The following AQR variants were observed in gnomAD, a reference collection of about 807,000 sequenced individuals.
AQR encodes aquarius intron-binding spliceosomal factor.
AQR carries 61 observed loss-of-function variants against 180.5 expected under a neutral mutation model. That is an observed-to-expected ratio of 0.34 (90% CI 0.28 to 0.42). The LOEUF is 0.42. Ranked by LOEUF, AQR falls within the 10% of genes least tolerant of loss-of-function variation. The probability of loss-of-function intolerance (pLI) is 1.00; values close to 1 mark genes in which losing one functional copy is unlikely to be tolerated. For missense variants in AQR, 1,281 were observed against 1,798.3 expected (o/e 0.71, Z 5.20); for synonymous variants, 551 against 588.8 (o/e 0.94, Z 0.93).
chr15:34,957,131 C>T (rs1168150710), intron 3 of AQR, among the ~76,000 whole-genome samples: 1 of 150,014 alleles, frequency 6.7e-6, no homozygotes, highest in Non-Finnish European at 1.5e-5. Flanking sequence ...TTCCTCAGGA[C>T]CTAGCCTAAA....
At chr15:34,881,995 G>A (rs141539388) in intron 27 of AQR, among the ~76,000 whole-genome samples, 11,867 of 151,900 alleles carry the variant, frequency 0.078, 528 homozygotes, top group Middle Eastern at 0.12. Flanking sequence ...TAATAGAGAC[G>A]GGGTTTCACC....
At chr15:34,907,958 T>G (rs1247900568) in intron 17 of AQR, among the ~76,000 whole-genome samples, 1 of 152,176 alleles carries the variant, frequency 6.6e-6, no homozygotes, top group East Asian at 1.9e-4. Context: ...TATGTCTCTC[T>G]CCTTGCAACC....
intron 3 of AQR, among the ~76,000 whole-genome samples, chr15:34,958,059 T>C (rs1894351258): frequency 6.6e-6 from 1 of 150,530 alleles, no homozygotes; most frequent in African/African-American, 2.5e-5. Flanking sequence ...ATACAAAAAA[T>C]TAGCCGGGCG....
chr15:34,964,216 G>C lies in AQR; in HGVS notation c.132+18C>G, dbSNP rs754939463. ...AGTGTAACTTCTCAAGAATTATGTT[G>C]AAACCAAAAATACTTACCTTTATAT... On this transcript the variant is annotated intron_variant, in intron 2 of 34. Coordinates refer to ENST00000156471, the MANE Select transcript of AQR (RefSeq NM_014691.3). The C allele has an allele frequency of 6.4e-7, 1 of 1,572,550 alleles. No individual in the cohort carries two copies. Among genetic ancestry groups the C allele is most frequent in the East Asian group, 2.2e-5 (1 of 44,652 alleles).
intron 16 of AQR, among the ~76,000 whole-genome samples, chr15:34,911,162 C>T (rs2140481316): frequency 6.6e-6 from 1 of 152,294 alleles, no homozygotes; most frequent in Admixed American, 6.5e-5. Context: ...TATATGTACA[C>T]ACACACCACA....
intron 18 of AQR, 100 bp downstream of exon 18, chr15:34,906,445 A>G: frequency 2.1e-6 from 3 of 1,420,218 alleles, no homozygotes; most frequent in Non-Finnish European, 2.9e-6. Context: ...TTTAGTAGGT[A>G]AAAGAACTAA....
At position 34,941,089 on chromosome 15, in the gene AQR, A is replaced by G. The variant is rs911171104; in HGVS notation, c.541-90T>C. The G allele has an allele frequency of 1.5e-5, 13 of 850,282 alleles. No individual in the cohort carries two copies. In the East Asian group the frequency reaches 2.3e-4, roughly 15 times the overall value. The allele number at this position is 850,282 out of a possible 1,614,324, so 52.7% of individuals were successfully genotyped here. A position where few individuals can be genotyped will look rare whatever the true frequency, so the allele number is the denominator to read the frequency against. Reference sequence around the variant, plus strand: ...CAACTATTTGCTAGTTTTCTAATATATGAGTACAAAATAGAGCAATCTGAT... The same window carrying G: ...CAACTATTTGCTAGTTTTCTAATATGTGAGTACAAAATAGAGCAATCTGAT... On this transcript the variant is annotated intron_variant, in intron 7 of 34. Transcript: ENST00000156471.
intron 3 of AQR, among the ~76,000 whole-genome samples, chr15:34,957,469 G>A (rs1894336935): frequency 6.6e-6 from 1 of 151,950 alleles, no homozygotes; most frequent in Non-Finnish European, 1.5e-5. Flanking sequence ...CACTTTGGGA[G>A]GCCGAGGCAA....
chr15:34,864,451 C>T (rs185082536), intron 32 of AQR, among the ~76,000 whole-genome samples: 1 of 152,244 alleles, frequency 6.6e-6, no homozygotes, highest in Non-Finnish European at 1.5e-5. Context: ...AAGTTACTGT[C>T]AGCCAAATTA....
intron 9 of AQR, among the ~76,000 whole-genome samples, chr15:34,937,300 C>T (rs1267589560): frequency 1.3e-5 from 2 of 152,156 alleles, no homozygotes; most frequent in African/African-American, 4.8e-5. Flanking sequence ...GCTGGGATTA[C>T]AGGCATGAGC....
rs189713858 is a variant in AQR, at chr15:34,886,918, A to T, written c.2682-257T>A. The stretch of plus-strand genomic sequence containing the variant: ...GGCGGACAGATCATGAGGTTAGGAG[A>T]TCGAGACCATCATGGCTAACATGGT... On this transcript the variant is annotated intron_variant, in intron 24 of 34. Coordinates refer to ENST00000156471, the MANE Select transcript of AQR (RefSeq NM_014691.3). Among the ~76,000 whole-genome samples the T allele has an allele frequency of 5.6e-3, 856 of 152,062 alleles. 2 individuals are homozygous for T. The highest frequency in any genetic ancestry group is 0.01 in the Middle Eastern group (3 of 294).
Position 34,882,598 on chromosome 15 carries a change from T to A in AQR, c.3069A>T (p.Arg1023Ser), listed in dbSNP as rs761158463. The A allele has an allele frequency of 1.9e-6, 3 of 1,613,074 alleles. No homozygotes were observed. The highest frequency in any genetic ancestry group is 2.5e-6 in the Non-Finnish European group (3 of 1,179,512). The change falls in exon 27 of 35, where the codon AGA becomes AGT. Residue 1023 changes from arginine to serine, a missense_variant. Arg to Ser is a moderately radical substitution (Grantham distance 110). Coordinates refer to ENST00000156471, the MANE Select transcript of AQR (RefSeq NM_014691.3). Reference sequence around the variant, plus strand: ...CTTCTTTCACTAAAAGGTATTTAGATCTGTCCAGTCCACTTCGAAGCAATT... The same window carrying A: ...CTTCTTTCACTAAAAGGTATTTAGAACTGTCCAGTCCACTTCGAAGCAATT... ...ASELLRSGLD[R>S]SKYLLVKEAK... is the part of the protein sequence containing the mutation.
Position 34,948,169 on chromosome 15 carries a change from T to G in AQR, c.330+95A>C, listed in dbSNP as rs925282927. On this transcript the variant is annotated intron_variant, in intron 5 of 34. Transcript: ENST00000156471. The stretch of plus-strand genomic sequence containing the variant: ...TTTGCTTTATTACTGGGTAAAGTTC[T>G]GCTCTAAAAGCACCACTATCAGTAA... 17 of 1,376,600 alleles carry G rather than the reference T, an allele frequency of 1.2e-5. 1 individual carries two copies. The highest frequency in any genetic ancestry group is 4.8e-5 in the Admixed American group (2 of 41,304). 85.3% of individuals were successfully genotyped at this position (1,376,600 alleles called of 1,614,324 possible). A position where few individuals can be genotyped will look rare whatever the true frequency, so the allele number is the denominator to read the frequency against.
intron 20 of AQR, 73 bp from the exon 21 acceptor site, chr15:34,897,778 T>C (rs935145881): frequency 7.4e-6 from 11 of 1,487,288 alleles, no homozygotes; most frequent in South Asian, 7.1e-5. Flanking sequence ...GTGCATGACA[T>C]TGTATGCACG....
At chr15:34,916,156 T>C (rs1260321099) in intron 15 of AQR, among the ~76,000 whole-genome samples, 1 of 152,242 alleles carries the variant, frequency 6.6e-6, no homozygotes. Flanking sequence ...TTACCATAAA[T>C]TTAGCCCATG....
chr15:34,911,407 C>T (rs1893496308), intron 16 of AQR, among the ~76,000 whole-genome samples: 1 of 152,150 alleles, frequency 6.6e-6, no homozygotes, highest in Non-Finnish European at 1.5e-5. Flanking sequence ...ACATTCCCAC[C>T]AATAGTGTAT....
intron 8 of AQR, among the ~76,000 whole-genome samples, chr15:34,940,047 G>A (rs1387620502): frequency 2.0e-5 from 3 of 152,212 alleles, no homozygotes; most frequent in Non-Finnish European, 4.4e-5. Flanking sequence ...TGTTCTAGGA[G>A]TTCAGATGAA....
rs187857084 is a variant in AQR at position 34,856,656 on chromosome 15, G to A, written c.*136C>T. 1.4e-4 allele frequency: 96 copies of A among 678,100 alleles called. No individual in the cohort carries two copies. In the Admixed American group the frequency reaches 1.7e-3, roughly 12 times the overall value. The allele number at this position is 678,100 out of a possible 1,614,324, so 42.0% of individuals were successfully genotyped here. A position where few individuals can be genotyped will look rare whatever the true frequency, so the allele number is the denominator to read the frequency against. On this transcript the variant is annotated 3_prime_UTR_variant, in exon 35 of 35. Transcript: ENST00000156471. Reference sequence around the variant, plus strand: ...TTTAAAAAAATATATTCAAGACACCGAAATCAGTTAACAAATATAAGAACT... The same window carrying A: ...TTTAAAAAAATATATTCAAGACACCAAAATCAGTTAACAAATATAAGAACT...
chr15:34,948,110 C>A, intron 5 of AQR, 154 bp downstream of exon 5: 4 of 768,580 alleles, frequency 5.2e-6, no homozygotes, highest in African/African-American at 1.8e-5. Context: ...CAAAAGAAAA[C>A]ATATCTTTCA....
Sources: allele counts gnomAD v4.1 joint callset (sites outside exome capture counted in the v4.1 genomes callset), GRCh38; gene constraint gnomAD v4.1.1; transcripts MANE v1.5; gene names NCBI Gene and HGNC (gene_info 2026-07-23, HGNC 2026-07-21).